CBLB: variants seen among roughly 807,000 people sequenced by gnomAD.
The protein encoded by CBLB is Cbl proto-oncogene B, also known as E3 ubiquitin-protein ligase CBL-B.
Under a neutral mutation model 104.9 loss-of-function variants are expected in CBLB, and 31 were observed. The ratio of observed to expected loss-of-function variants is 0.30; its 90% CI spans 0.22 to 0.40. The LOEUF (loss-of-function observed/expected upper bound fraction) is 0.40, where lower values mean the gene tolerates loss of function less well. Ranked by LOEUF, CBLB falls within the 10% of genes least tolerant of loss-of-function variation. CBLB has a pLI of 1.00. For missense variants in CBLB, 1,062 were observed against 1,214.6 expected (o/e 0.87, Z 1.87); for synonymous variants, 440 against 422.6 (o/e 1.04, Z -0.51).
chr3:105,760,998 C>A (rs1161036941), intron 4 of CBLB, among the ~76,000 whole-genome samples: 1 of 152,086 alleles, frequency 6.6e-6, no homozygotes, highest in Admixed American at 6.5e-5. Flanking sequence ...AATGTAAATA[C>A]CTACACACTG....
At chr3:105,775,422 C>G (rs917685547) in intron 4 of CBLB, among the ~76,000 whole-genome samples, 1 of 151,998 alleles carries the variant, frequency 6.6e-6, no homozygotes, top group Non-Finnish European at 1.5e-5. Context: ...TTCAACATAT[C>G]AAAGTACTAA....
chr3:105,795,561 C>A (rs911000003), intron 3 of CBLB, among the ~76,000 whole-genome samples: 1 of 152,166 alleles, frequency 6.6e-6, no homozygotes, highest in African/African-American at 2.4e-5. Flanking sequence ...TTAACATTAA[C>A]TCCTTGAAAC....
intron 12 of CBLB, 67 bp downstream of exon 12, chr3:105,702,027 T>C: frequency 6.3e-7 from 1 of 1,584,486 alleles, no homozygotes; most frequent in East Asian, 2.2e-5. Flanking sequence ...TCCCAACCTT[T>C]TATGCTACTG....
chr3:105,779,499 A>G (rs765134790), intron 3 of CBLB, among the ~76,000 whole-genome samples: 3 of 152,106 alleles, frequency 2.0e-5, no homozygotes, highest in Non-Finnish European at 4.4e-5. Context: ...GAATATATAT[A>G]TGCATATATA....
intron 3 of CBLB, among the ~76,000 whole-genome samples, chr3:105,840,481 A>G (rs2153095489): frequency 6.6e-6 from 1 of 152,350 alleles, no homozygotes; most frequent in Admixed American, 6.5e-5. Context: ...TCACAACCAT[A>G]AAATGTGCTA....
intron 4 of CBLB, among the ~76,000 whole-genome samples, chr3:105,754,381 T>C (rs2076851134): frequency 6.6e-6 from 1 of 152,096 alleles, no homozygotes; most frequent in Non-Finnish European, 1.5e-5. Context: ...TGGTGGTTTC[T>C]ACTACCTCTT....
In CBLB at chr3:105,776,558, A is replaced by G. The variant is rs180950162; in HGVS notation, c.420-16T>C. 582 of 1,610,088 alleles carry G rather than the reference A, an allele frequency of 3.6e-4. 4 individuals carry two copies. The African/African-American group carries it at 4.8e-3, about 13-fold the overall frequency. On this transcript the variant is annotated splice_polypyrimidine_tract_variant and intron_variant, in intron 3 of 18. Coordinates refer to ENST00000394030, the MANE Select transcript of CBLB (RefSeq NM_170662.5). ...GAGATTTCGTCTGTAGGCACAAGGG[A>G]AAAAAATGAAGATAAGAAATAAACA...
At chr3:105,860,505 G>T (rs576797432) in intron 2 of CBLB, among the ~76,000 whole-genome samples, 7 of 152,242 alleles carry the variant, frequency 4.6e-5, no homozygotes, top group African/African-American at 1.7e-4. Flanking sequence ...CCTAGGATCT[G>T]GCCCTAACAT....
chr3:105,777,147 G>A (rs937963212), intron 3 of CBLB, among the ~76,000 whole-genome samples: 2 of 152,184 alleles, frequency 1.3e-5, no homozygotes, highest in Non-Finnish European at 2.9e-5. Flanking sequence ...AAAATAACAT[G>A]AGACAGAGTA....
intron 2 of CBLB, among the ~76,000 whole-genome samples, chr3:105,857,238 T>C (rs2091707350): frequency 6.6e-6 from 1 of 152,230 alleles, no homozygotes; most frequent in Non-Finnish European, 1.5e-5. Flanking sequence ...CACTATTCTT[T>C]ATCTGAACTT....
chr3:105,684,059 T>C (rs1027220645), intron 14 of CBLB, among the ~76,000 whole-genome samples: 63 of 152,328 alleles, frequency 4.1e-4, no homozygotes, highest in Admixed American at 2.5e-3. Flanking sequence ...AAGGGAACAC[T>C]GTACTTATAA....
At chr3:105,769,325 A>C (rs1207414761) in intron 4 of CBLB, among the ~76,000 whole-genome samples, 1 of 152,192 alleles carries the variant, frequency 6.6e-6, no homozygotes, top group Non-Finnish European at 1.5e-5. Context: ...CCTAAAAAAA[A>C]AAAATTATTA....
chr3:105,863,676 T>C (rs2092260974), intron 2 of CBLB, among the ~76,000 whole-genome samples: 2 of 152,296 alleles, frequency 1.3e-5, no homozygotes, highest in Non-Finnish European at 2.9e-5. Context: ...GGAGTGTAAA[T>C]TATATTTCAA....
At chr3:105,791,846 T>C (rs1276542965) in intron 3 of CBLB, among the ~76,000 whole-genome samples, 1 of 152,206 alleles carries the variant, frequency 6.6e-6, no homozygotes, top group Non-Finnish European at 1.5e-5. Context: ...AGTTGGTGAG[T>C]TTAATTTGGA....
At chr3:105,703,356 T>C (rs913078442) in intron 11 of CBLB, among the ~76,000 whole-genome samples, 6 of 152,204 alleles carry the variant, frequency 3.9e-5, no homozygotes, top group Non-Finnish European at 7.4e-5. Context: ...CAGAGCATGT[T>C]ACCAAATAAA....
chr3:105,765,356 C>A (rs1217081835), intron 4 of CBLB, among the ~76,000 whole-genome samples: 1 of 152,038 alleles, frequency 6.6e-6, no homozygotes, highest in African/African-American at 2.4e-5. Flanking sequence ...AAACAAAAGC[C>A]CCCTGATAGT....
At position 105,747,424 on chromosome 3, in the gene CBLB, T is replaced by C. The variant is rs944917876; in HGVS notation, c.724-1386A>G. 2.6e-5 allele frequency among the ~76,000 whole-genome samples: 4 copies of C among 152,336 alleles called. No homozygotes were observed. In the South Asian group the frequency reaches 8.3e-4, roughly 32 times the overall value. On this transcript the variant is annotated intron_variant, in intron 5 of 18. Transcript: ENST00000394030. Reference sequence around the variant, plus strand: ...ACAAGGCAGAATTCTGCAAGGATTATATCCCTTGAGATGAGGATAACAAAG... The same window carrying C: ...ACAAGGCAGAATTCTGCAAGGATTACATCCCTTGAGATGAGGATAACAAAG...
chr3:105,684,415 G>A (rs2066737158), intron 14 of CBLB, among the ~76,000 whole-genome samples: 1 of 152,104 alleles, frequency 6.6e-6, no homozygotes, highest in Non-Finnish European at 1.5e-5. Flanking sequence ...TAAAGATAAA[G>A]TAATATTTCA....
At chr3:105,794,650 T>C (rs1245988014) in intron 3 of CBLB, among the ~76,000 whole-genome samples, 1 of 152,188 alleles carries the variant, frequency 6.6e-6, no homozygotes, top group Admixed American at 6.5e-5. Flanking sequence ...GCGTACCTTA[T>C]CGTATTATCC....
Sources: gnomAD v4.1 joint callset for allele counts (sites outside exome capture counted in the v4.1 genomes callset) on GRCh38, gnomAD v4.1.1 for gene constraint, MANE v1.5 for transcripts, NCBI Gene and HGNC (gene_info 2026-07-23, HGNC 2026-07-21) for gene names.